The following ACSM2B variants were observed in gnomAD, a reference collection of about 807,000 sequenced individuals.
ACSM2B encodes acyl-coenzyme A synthetase ACSM2B, mitochondrial.
In ACSM2B, 58 loss-of-function variants were observed where a neutral mutation model predicts 78.6. The observed-to-expected ratio is 0.74, with a 90% CI of 0.60 to 0.92. The LOEUF (loss-of-function observed/expected upper bound fraction) is 0.92, where lower values mean the gene tolerates loss of function less well. ACSM2B is among the 40% of genes least tolerant of loss of function. ACSM2B has a pLI of 0.00. For missense variants in ACSM2B, 688 were observed against 711.2 expected (o/e 0.97, Z 0.37); for synonymous variants, 257 against 256.8 (o/e 1.00, Z -0.01).
intron 10 of ACSM2B, 40 bp from the exon 11 acceptor site, chr16:20,543,302 G>C (rs577058386): frequency 6.2e-7 from 1 of 1,613,004 alleles, no homozygotes; most frequent in Non-Finnish European, 8.5e-7. Context: ...TGCCTGCAAA[G>C]CCTAAATCCC....
chr16:20,539,100 A>G (rs911302511), intron 13 of ACSM2B, among the ~76,000 whole-genome samples: 74 of 151,056 alleles, frequency 4.9e-4, no homozygotes, highest in African/African-American at 1.7e-3. Context: ...AGGTTATACT[A>G]GCTCCAGAAC....
intron 3 of ACSM2B, among the ~76,000 whole-genome samples, chr16:20,555,747 C>G (rs1234485511): frequency 1.3e-5 from 2 of 152,162 alleles, no homozygotes; most frequent in Admixed American, 6.5e-5. Flanking sequence ...AAGACACATA[C>G]AATTCTCCTC....
intron 2 of ACSM2B, among the ~76,000 whole-genome samples, chr16:20,563,624 A>T (rs1265302406): frequency 6.6e-5 from 10 of 151,952 alleles, no homozygotes; most frequent in Non-Finnish European, 1.0e-4. Flanking sequence ...TTTCTGTTTG[A>T]AAATTTTCAA....
chr16:20,566,669 GT>G (rs2015867154), intron 1 of ACSM2B, among the ~76,000 whole-genome samples: 1 of 28,284 alleles, frequency 3.5e-5, no homozygotes, highest in African/African-American at 3.0e-4. Flanking sequence ...TGTATATATA[GT>G]ATATACATAT....
chr16:20,563,266 A>G (rs2015720888), intron 2 of ACSM2B, among the ~76,000 whole-genome samples: 1 of 152,166 alleles, frequency 6.6e-6, no homozygotes, highest in Non-Finnish European at 1.5e-5. Flanking sequence ...AATTTTTTAT[A>G]TTTAATGGCC....
At chr16:20,574,949 A>G (rs56690121) in intron 1 of ACSM2B, among the ~76,000 whole-genome samples, 44,310 of 133,444 alleles carry the variant, frequency 0.33, 9,188 homozygotes, top group East Asian at 0.85. Context: ...TATGTTCCTT[A>G]GTTCTCCACA....
At chr16:20,543,621 T>C (rs2015060623) in intron 10 of ACSM2B, among the ~76,000 whole-genome samples, 1 of 152,196 alleles carries the variant, frequency 6.6e-6, no homozygotes, top group African/African-American at 2.4e-5. Context: ...AAAGCTATCA[T>C]TTTGATTAGG....
chr16:20,561,728 C>G (rs1391825790), intron 2 of ACSM2B, among the ~76,000 whole-genome samples: 1 of 151,174 alleles, frequency 6.6e-6, no homozygotes, highest in South Asian at 2.1e-4. Flanking sequence ...TTTTTTATTA[C>G]TATACTTTAA....
rs2015382612 is a variant in ACSM2B, at chr16:20,553,671, C to T, written c.740+106G>A. 1.0e-5 allele frequency: 15 copies of T among 1,503,060 alleles called. No homozygotes were observed. The South Asian group carries it at 2.0e-4, about 20-fold the overall frequency. The allele number at this position is 1,503,060 out of a possible 1,614,324, so 93.1% of individuals were successfully genotyped here. ...AGCTTTCCTTCTGAATTTTCTTTCT[C>T]AGAACCACAAGGTGGTGACACAGCC... is the stretch of plus-strand genomic sequence containing the variant. On this transcript the variant is annotated intron_variant, in intron 5 of 13. Transcript: ENST00000329697.
rs144163407 is a variant in ACSM2B, at chr16:20,561,170, C to A, written c.178-1723G>T. ...TTGAAGACATGCTAAGTGAAATTAG[C>A]CAGACACAAAAAACCAAATACTGTG... On this transcript the variant is annotated intron_variant, in intron 2 of 13. Transcript: ENST00000329697. Among the ~76,000 whole-genome samples, 555 of 152,116 alleles carry A rather than the reference C, an allele frequency of 3.6e-3. 2 individuals carry two copies. Among genetic ancestry groups the A allele is most frequent in the African/African-American group, 0.012 (509 of 41,538 alleles).
intron 6 of ACSM2B, among the ~76,000 whole-genome samples, chr16:20,550,602 T>G (rs1733728391): frequency 6.6e-6 from 1 of 152,194 alleles, no homozygotes; most frequent in African/African-American, 2.4e-5. Flanking sequence ...GATAATTTCC[T>G]ATGAAAATCC....
intron 2 of ACSM2B, among the ~76,000 whole-genome samples, chr16:20,561,258 A>G (rs1463213573): frequency 6.6e-6 from 1 of 151,820 alleles, no homozygotes; most frequent in Non-Finnish European, 1.5e-5. Context: ...GGAATATCTG[A>G]CACTGGGTAA....
chr16:20,566,768 G>T (rs1316850876), intron 1 of ACSM2B, among the ~76,000 whole-genome samples: 10 of 28,524 alleles, frequency 3.5e-4, no homozygotes, highest in Admixed American at 5.5e-4. Context: ...AGTATATATA[G>T]ATATATAGAT....
In ACSM2B at chr16:20,541,232, A is replaced by G. The variant is rs868647270; in HGVS notation, c.1510-459T>C. 11 of 163,790 alleles carry G rather than the reference A, an allele frequency of 6.7e-5. 1 individual carries two copies. The South Asian group carries it at 1.8e-3, about 27-fold the overall frequency. 10.1% of individuals were successfully genotyped at this position (163,790 alleles called of 1,614,324 possible). A position where few individuals can be genotyped will look rare whatever the true frequency, so the allele number is the denominator to read the frequency against. ...GCTGGGCACACAGGGTTTTCTCAGC[A>G]GGGGATCACCCTTGGCCTCACTGCT... is the stretch of plus-strand genomic sequence containing the variant. On this transcript the variant is annotated intron_variant, in intron 12 of 13. Coordinates refer to ENST00000329697, the MANE Select transcript of ACSM2B (RefSeq NM_001105069.2).
Position 20,537,134 on chromosome 16 carries a change from C to T in ACSM2B, c.*124G>A, listed in dbSNP as rs1039207833. ...TAATGTTTTGTGCTAATAACCAGGG[C>T]AAGACAAAACTTACATTCATGTTCT... is the stretch of plus-strand genomic sequence containing the variant. On this transcript the variant is annotated 3_prime_UTR_variant, in exon 14 of 14. Coordinates refer to ENST00000329697, the MANE Select transcript of ACSM2B (RefSeq NM_001105069.2). 1.4e-5 allele frequency: 17 copies of T among 1,193,224 alleles called. No individual in the cohort carries two copies. Among genetic ancestry groups the T allele is most frequent in the Non-Finnish European group, 1.7e-5 (14 of 828,314 alleles). 73.9% of individuals were successfully genotyped at this position (1,193,224 alleles called of 1,614,324 possible). A position where few individuals can be genotyped will look rare whatever the true frequency, so the allele number is the denominator to read the frequency against.
rs111470403 is a variant in ACSM2B at position 20,555,248 on chromosome 16, A to G, written c.596+21T>C. ...TTTCCAGTTTTAGTTAAAACCCAGG[A>G]TGAGACATGTAGATACTCACTTTAG... On this transcript the variant is annotated intron_variant, in intron 4 of 13. Transcript: ENST00000329697. 6 of 1,613,716 alleles carry G rather than the reference A, an allele frequency of 3.7e-6. No homozygotes were observed. In the African/African-American group the frequency reaches 6.7e-5, roughly 18 times the overall value.
At chr16:20,563,101 A>G (rs192950937) in intron 2 of ACSM2B, among the ~76,000 whole-genome samples, 55 of 152,316 alleles carry the variant, frequency 3.6e-4, no homozygotes, top group Admixed American at 3.0e-3. Flanking sequence ...TTTGAGAAAT[A>G]TCTCCCATCC....
chr16:20,573,807 G>C (rs1479938374), intron 1 of ACSM2B, among the ~76,000 whole-genome samples: 1 of 152,014 alleles, frequency 6.6e-6, no homozygotes, highest in Non-Finnish European at 1.5e-5. Context: ...AAGAGGAGAG[G>C]GTGTACGAAC....
chr16:20,544,352 T>A (rs995452788), intron 10 of ACSM2B, among the ~76,000 whole-genome samples: 9 of 152,202 alleles, frequency 5.9e-5, no homozygotes, highest in East Asian at 3.9e-4. Context: ...AAGATCACGC[T>A]ATACATAGTA....
Sources: allele counts gnomAD v4.1 joint callset (sites outside exome capture counted in the v4.1 genomes callset), GRCh38; gene constraint gnomAD v4.1.1; transcripts MANE v1.5; gene names NCBI Gene and HGNC (gene_info 2026-07-23, HGNC 2026-07-21).